Variants in RNF180 observed in about 807,000 individuals in gnomAD.
The protein encoded by RNF180 is E3 ubiquitin-protein ligase RNF180.
A neutral mutation model predicts 59.2 loss-of-function variants in RNF180; 38 were observed. That is an observed-to-expected ratio of 0.64 (90% CI 0.50 to 0.84). The LOEUF (loss-of-function observed/expected upper bound fraction) is 0.84. Among genes scored for constraint, RNF180 ranks in the 40% least tolerant of loss-of-function variants. RNF180 has a pLI of 0.00. For missense variants in RNF180, 705 were observed against 700.9 expected, an observed-to-expected ratio of 1.01 and a Z score of -0.07; for synonymous variants, 262 against 240.3, an observed-to-expected ratio of 1.09 and a Z score of -0.84.
Position 64,325,285 on chromosome 5 carries a change from T to C in RNF180, c.1327T>C (p.Tyr443His). The C allele has an allele frequency of 6.4e-7, 1 of 1,551,342 alleles. No homozygotes were observed. The highest frequency in any genetic ancestry group is 1.2e-5 in the South Asian group (1 of 84,054). The change falls in exon 6 of 8, where the codon TAT becomes CAT. Residue 443 changes from tyrosine to histidine, a missense_variant. Coordinates refer to ENST00000389100, the MANE Select transcript of RNF180 (RefSeq NM_001113561.2). ...GTGTCTGGACGTTTATTTCAACCCT[T>C]ATATGTGTTACCCTTGCCATCACAT... Reference protein sequence around the residue: ...AVCLDVYFNPYMCYPCHHIFC... With the variant: ...AVCLDVYFNPHMCYPCHHIFC...
rs1746656392 is a variant in RNF180 at position 64,371,422 on chromosome 5, T to G, written c.*1608T>G. ...CAGCCATTTCCTAGGCAACTTCTGG[T>G]TTATACACTCTAGAAAATATATCTT... is the stretch of plus-strand genomic sequence containing the variant. On this transcript the variant is annotated 3_prime_UTR_variant, in exon 8 of 8. Coordinates refer to ENST00000389100, the MANE Select transcript of RNF180 (RefSeq NM_001113561.2). 1 of 151,610 alleles carries G rather than the reference T, an allele frequency of 6.6e-6. No individual in the cohort carries two copies. The allele number at this position is 151,610 out of a possible 1,614,324, so 9.4% of individuals were successfully genotyped here. A position where few individuals can be genotyped will look rare whatever the true frequency, so the allele number is the denominator to read the frequency against.
intron 7 of RNF180, among the ~76,000 whole-genome samples, chr5:64,361,167 T>C (rs1181299484): frequency 6.6e-6 from 1 of 151,218 alleles, no homozygotes; most frequent in Non-Finnish European, 1.5e-5. Context: ...ACAAACCAGG[T>C]AAAAGTGTCA....
chr5:64,335,272 T>C (rs1171061072), intron 7 of RNF180, among the ~76,000 whole-genome samples: 1 of 152,146 alleles, frequency 6.6e-6, no homozygotes, highest in Non-Finnish European at 1.5e-5. Flanking sequence ...ATGGCAGTTA[T>C]TGTCTCCCAG....
At chr5:64,288,924 T>G (rs1031573374) in intron 5 of RNF180, among the ~76,000 whole-genome samples, 1 of 152,214 alleles carries the variant, frequency 6.6e-6, no homozygotes, top group African/African-American at 2.4e-5. Flanking sequence ...CTTCTAATAC[T>G]ATGTTGAATA....
chr5:64,342,888 C>A (rs937931348), intron 7 of RNF180, among the ~76,000 whole-genome samples: 1 of 152,110 alleles, frequency 6.6e-6, no homozygotes, highest in Non-Finnish European at 1.5e-5. Flanking sequence ...ATAAACACAG[C>A]GTAGGTCATG....
rs1346196720 is a variant in RNF180, at chr5:64,165,919, G to A, written c.-35G>A. 6.6e-6 allele frequency: 1 copy of A among 152,322 alleles called. No individual in the cohort carries two copies. The highest frequency in any genetic ancestry group is 1.5e-5 in the Non-Finnish European group (1 of 68,152). The allele number at this position is 152,322 out of a possible 1,614,324, so 9.4% of individuals were successfully genotyped here. A position where few individuals can be genotyped will look rare whatever the true frequency, so the allele number is the denominator to read the frequency against. ...CTGGCGGCCGGGAGCGCCGGGACGG[G>A]GCGCGAAGCCGGAGGCTCCGGGACG... On this transcript the variant is annotated 5_prime_UTR_variant, in exon 1 of 8. Coordinates refer to ENST00000389100, the MANE Select transcript of RNF180 (RefSeq NM_001113561.2).
intron 1 of RNF180, among the ~76,000 whole-genome samples, chr5:64,182,449 C>T (rs1255179368): frequency 2.6e-5 from 4 of 152,260 alleles, no homozygotes; most frequent in Middle Eastern, 3.4e-3. Flanking sequence ...ACATTAGTGT[C>T]TGGAAACATT....
At chr5:64,361,241 G>C (rs1187737569) in intron 7 of RNF180, among the ~76,000 whole-genome samples, 1 of 151,388 alleles carries the variant, frequency 6.6e-6, no homozygotes, top group Non-Finnish European at 1.5e-5. Flanking sequence ...ATATAAAATA[G>C]TAACAAGTTG....
rs190588015 is a variant in RNF180, at chr5:64,335,489, G to A, written c.1579+5083G>A. On this transcript the variant is annotated intron_variant, in intron 7 of 7. Coordinates refer to ENST00000389100, the MANE Select transcript of RNF180 (RefSeq NM_001113561.2). ...TTATTGATTTACTTTCTTTGTTGTA[G>A]GTAGAGACCCAGTTTCTTTGGATTT... Among the ~76,000 whole-genome samples the A allele has an allele frequency of 1.5e-3, 219 of 150,914 alleles. 1 individual carries two copies. The highest frequency in any genetic ancestry group is 5.0e-3 in the African/African-American group (208 of 41,228).
chr5:64,369,780 T>G lies in RNF180; in HGVS notation c.1745T>G (p.Phe582Cys). The G allele has an allele frequency of 6.6e-7, 1 of 1,525,270 alleles. No individual in the cohort carries two copies. Among genetic ancestry groups the G allele is most frequent in the Non-Finnish European group, 8.8e-7 (1 of 1,137,520 alleles). The allele number at this position is 1,525,270 out of a possible 1,614,324, so 94.5% of individuals were successfully genotyped here. The change falls in exon 8 of 8, where the codon TTC becomes TGC. Residue 582 changes from phenylalanine (F) to cysteine (C), a missense_variant. By Grantham distance (205) the Phe-to-Cys change is radical. Coordinates refer to ENST00000389100, the MANE Select transcript of RNF180 (RefSeq NM_001113561.2). ...SVNWVIGFIVFCFLCYFFFPF is the reference protein window; with the variant it reads ...SVNWVIGFIVCCFLCYFFFPF ...AACTGGGTCATTGGATTCATTGTTT[T>G]CTGCTTTCTTTGCTATTTTTTCTTT...
intron 4 of RNF180, 59 bp from the exon 5 acceptor site, chr5:64,217,302 A>G: frequency 7.5e-7 from 1 of 1,327,582 alleles, no homozygotes; most frequent in Non-Finnish European, 9.7e-7. Context: ...TTATGAATAG[A>G]ACTTTTACAG....
chr5:64,364,869 A>G lies in RNF180; in HGVS notation c.1580-4746A>G, dbSNP rs1476630234. Among the ~76,000 whole-genome samples the G allele has an allele frequency of 1.2e-4, 18 of 151,214 alleles. No individual in the cohort carries two copies. In the Admixed American group the frequency reaches 1.2e-3, roughly 10 times the overall value. On this transcript the variant is annotated intron_variant, in intron 7 of 7. Transcript: ENST00000389100. ...GTTTGTATGCATACAAGTGTCCGTA[A>G]TATTCTCTAATGGTTACTTGTATTT...
chr5:64,345,596 AC>A (rs1745521837), intron 7 of RNF180, among the ~76,000 whole-genome samples: 1 of 152,202 alleles, frequency 6.6e-6, no homozygotes, highest in Admixed American at 6.6e-5. Context: ...GAAATTTTCC[AC>A]AATGTTCAGA....
At chr5:64,210,508 T>C (rs1292590633) in intron 2 of RNF180, among the ~76,000 whole-genome samples, 4 of 152,172 alleles carry the variant, frequency 2.6e-5, no homozygotes, top group Admixed American at 1.3e-4. Context: ...ATTTGTATTA[T>C]GTTGTGGGTT....
At chr5:64,281,548 G>A (rs757096130) in intron 5 of RNF180, among the ~76,000 whole-genome samples, 94 of 152,220 alleles carry the variant, frequency 6.2e-4, no homozygotes, top group Non-Finnish European at 9.7e-4. Flanking sequence ...GCCCAGGCTG[G>A]AGTGAAGTGG....
chr5:64,314,078 T>C (rs1743918510), intron 5 of RNF180, among the ~76,000 whole-genome samples: 1 of 152,154 alleles, frequency 6.6e-6, no homozygotes. Flanking sequence ...TTGAAAATAC[T>C]TTGCCCCATT....
intron 1 of RNF180, among the ~76,000 whole-genome samples, chr5:64,168,424 G>A (rs1749761091): frequency 6.6e-6 from 1 of 152,206 alleles, no homozygotes; most frequent in Non-Finnish European, 1.5e-5. Flanking sequence ...CTACTACAAA[G>A]GGGACAGTGC....
chr5:64,235,121 C>G (rs1036856825), intron 5 of RNF180, among the ~76,000 whole-genome samples: 1 of 151,840 alleles, frequency 6.6e-6, no homozygotes, highest in Non-Finnish European at 1.5e-5. Context: ...TACAAAAAAA[C>G]AAAAATAAAA....
At chr5:64,326,489 C>G (rs1297536362) in intron 6 of RNF180, among the ~76,000 whole-genome samples, 1 of 152,050 alleles carries the variant, frequency 6.6e-6, no homozygotes, top group Admixed American at 6.6e-5. Flanking sequence ...TTATTTTTGT[C>G]TATTTTATAT....
Sources: allele counts gnomAD v4.1 joint callset (sites outside exome capture counted in the v4.1 genomes callset), GRCh38; gene constraint gnomAD v4.1.1; transcripts MANE v1.5; gene names NCBI Gene and HGNC (gene_info 2026-07-23, HGNC 2026-07-21).